SOX5: variants seen among roughly 807,000 people sequenced by gnomAD.
The protein encoded by SOX5 is transcription factor SOX-5.
SOX5 carries 9 observed loss-of-function variants against 92.0 expected under a neutral mutation model. That is an observed-to-expected ratio of 0.10 (90% CI 0.06 to 0.17). The LOEUF is 0.17. Among genes scored for constraint, SOX5 ranks in the 10% least tolerant of loss-of-function variants. The pLI, the probability that SOX5 is intolerant of heterozygous loss-of-function variation, is 1.00. For missense variants in SOX5, 642 were observed against 944.5 expected (o/e 0.68, Z 4.20); for synonymous variants, 344 against 336.3 (o/e 1.02, Z -0.25).
chr12:24,081,978 A>G (rs907005524), intron 4 of SOX5, among the ~76,000 whole-genome samples: 3 of 151,990 alleles, frequency 2.0e-5, no homozygotes, highest in African/African-American at 7.2e-5. Flanking sequence ...TGTAAAAAGA[A>G]TGAACCCTGG....
chr12:24,219,944 T>C (rs1245885459), intron 3 of SOX5, among the ~76,000 whole-genome samples: 1 of 152,174 alleles, frequency 6.6e-6, no homozygotes, highest in African/African-American at 2.4e-5. Context: ...CAACTTATTA[T>C]AGGTGGTAAA....
intron 7 of SOX5, among the ~76,000 whole-genome samples, chr12:23,664,062 A>T (rs1380186086): frequency 1.3e-5 from 2 of 152,176 alleles, no homozygotes; most frequent in Admixed American, 1.3e-4. Flanking sequence ...AATGCAGACC[A>T]CTTTTATCTT....
chr12:23,898,497 G>A (rs749370131), intron 1 of SOX5, among the ~76,000 whole-genome samples: 1 of 152,134 alleles, frequency 6.6e-6, no homozygotes, highest in Admixed American at 6.5e-5. Flanking sequence ...TGACCTTTCT[G>A]TTGATTTCTA....
At chr12:24,054,782 T>TA (rs1198168846) in intron 4 of SOX5, among the ~76,000 whole-genome samples, 5 of 152,248 alleles carry the variant, frequency 3.3e-5, no homozygotes, top group African/African-American at 4.8e-5. Flanking sequence ...CACTTCGTCT[T>TA]AAGACGTTCT....
At chr12:23,966,302 G>A (rs1311004908) in intron 4 of SOX5, among the ~76,000 whole-genome samples, 1 of 145,452 alleles carries the variant, frequency 6.9e-6, no homozygotes, top group Non-Finnish European at 1.5e-5. Flanking sequence ...GAAGAAACAA[G>A]TTTGCTTGTA....
At chr12:23,847,833 T>A (rs1393200299) in intron 2 of SOX5, among the ~76,000 whole-genome samples, 1 of 152,102 alleles carries the variant, frequency 6.6e-6, no homozygotes, top group Non-Finnish European at 1.5e-5. Context: ...GATTTAGAAA[T>A]CAATGTACAA....
chr12:24,150,029 T>C (rs1264087549), intron 4 of SOX5, among the ~76,000 whole-genome samples: 1 of 152,194 alleles, frequency 6.6e-6, no homozygotes, highest in East Asian at 1.9e-4. Flanking sequence ...AGAAAACTTT[T>C]AGGGGTGAAG....
At chr12:24,263,343 C>T (rs764574996) in intron 3 of SOX5, among the ~76,000 whole-genome samples, 10 of 151,464 alleles carry the variant, frequency 6.6e-5, no homozygotes, top group South Asian at 2.1e-4. Context: ...CTGGCTAACA[C>T]GGTGAAACCC....
At chr12:24,345,943 C>T (rs1953175872) in intron 2 of SOX5, among the ~76,000 whole-genome samples, 1 of 152,206 alleles carries the variant, frequency 6.6e-6, no homozygotes, top group South Asian at 2.1e-4. Flanking sequence ...TGTTCTATTA[C>T]TACTACACAT....
intron 6 of SOX5, among the ~76,000 whole-genome samples, chr12:23,728,729 C>T (rs2093268345): frequency 6.6e-6 from 1 of 151,916 alleles, no homozygotes; most frequent in Admixed American, 6.6e-5. Context: ...GAATAAGTTC[C>T]CAGGGAAAGA....
chr12:24,502,049 T>C (rs1948260347), intron 1 of SOX5, among the ~76,000 whole-genome samples: 1 of 152,348 alleles, frequency 6.6e-6, no homozygotes, highest in East Asian at 1.9e-4. Context: ...ACCTAATTCT[T>C]GGAAACAGCC....
rs556512360 is a variant in SOX5 at position 23,792,434 on chromosome 12, C to G, written c.482-36710G>C. Among the ~76,000 whole-genome samples, 4 of 151,414 alleles carry G rather than the reference C, an allele frequency of 2.6e-5. No homozygotes were observed. In the East Asian group the frequency reaches 7.8e-4, roughly 29 times the overall value. ...GGTCAGAAGTTCGAGACCAGCGTGGCCAACATGGTGAAACACCATCTCTAC... is the reference window on the plus strand; with the variant it reads ...GGTCAGAAGTTCGAGACCAGCGTGGGCAACATGGTGAAACACCATCTCTAC... On this transcript the variant is annotated intron_variant, in intron 3 of 14. Coordinates refer to ENST00000451604, the MANE Select transcript of SOX5 (RefSeq NM_006940.6).
intron 4 of SOX5, among the ~76,000 whole-genome samples, chr12:24,195,141 A>AC: frequency 6.8e-6 from 1 of 147,532 alleles, no homozygotes; most frequent in Non-Finnish European, 1.5e-5. Flanking sequence ...TTGTTTGGGA[A>AC]AAAAAAAAAA....
intron 4 of SOX5, among the ~76,000 whole-genome samples, chr12:24,010,456 T>C (rs988476104): frequency 1.3e-5 from 2 of 152,202 alleles, no homozygotes; most frequent in African/African-American, 4.8e-5. Flanking sequence ...AAAAATGTTA[T>C]ATAGGTAGAA....
At chr12:24,122,419 T>A (rs1241529994) in intron 4 of SOX5, among the ~76,000 whole-genome samples, 4 of 152,184 alleles carry the variant, frequency 2.6e-5, no homozygotes, top group Admixed American at 2.6e-4. Flanking sequence ...GACAATAGCA[T>A]CTGCTTATTA....
At chr12:23,692,892 T>A (rs948924618) in intron 6 of SOX5, among the ~76,000 whole-genome samples, 1 of 152,200 alleles carries the variant, frequency 6.6e-6, no homozygotes, top group African/African-American at 2.4e-5. Context: ...CCTGGGAAAT[T>A]AAATAGTTTA....
chr12:23,974,932 A>G (rs1029749325), intron 4 of SOX5, among the ~76,000 whole-genome samples: 2 of 152,168 alleles, frequency 1.3e-5, no homozygotes, highest in African/African-American at 2.4e-5. Context: ...GTTTGGGGGG[A>G]AAGTATAAAA....
At chr12:23,649,809 T>C (rs1275682855) in intron 7 of SOX5, among the ~76,000 whole-genome samples, 2 of 152,130 alleles carry the variant, frequency 1.3e-5, no homozygotes, top group Non-Finnish European at 2.9e-5. Context: ...ATCTCTATAC[T>C]GTATAACACA....
At chr12:24,507,423 C>A (rs1359522799) in intron 1 of SOX5, among the ~76,000 whole-genome samples, 1 of 150,906 alleles carries the variant, frequency 6.6e-6, no homozygotes, top group Non-Finnish European at 1.5e-5. Context: ...CACAAGGAGA[C>A]AAATACAGAT....
Sources: allele counts gnomAD v4.1 joint callset (sites outside exome capture counted in the v4.1 genomes callset), GRCh38; gene constraint gnomAD v4.1.1; transcripts MANE v1.5; gene names NCBI Gene and HGNC (gene_info 2026-07-23, HGNC 2026-07-21).